The following MDGA2 variants were observed in gnomAD, a reference collection of about 807,000 sequenced individuals.
MDGA2 encodes the protein MAM domain containing glycosylphosphatidylinositol anchor 2.
MDGA2 carries 40 observed loss-of-function variants against 117.8 expected under a neutral mutation model. The ratio of observed to expected loss-of-function variants is 0.34; its 90% CI spans 0.26 to 0.44. MDGA2 has a LOEUF of 0.44. Among genes scored for constraint, MDGA2 ranks in the 20% least tolerant of loss-of-function variants. MDGA2 has a pLI of 1.00. For synonymous variants in MDGA2, 452 were observed against 439.0 expected, an observed-to-expected ratio of 1.03 and a Z score of -0.37; for missense variants, 1,123 against 1,250.6, an observed-to-expected ratio of 0.90 and a Z score of 1.54.
At chr14:47,019,788 G>C (rs1366876981) in intron 8 of MDGA2, among the ~76,000 whole-genome samples, 2 of 149,638 alleles carry the variant, frequency 1.3e-5, no homozygotes, top group Non-Finnish European at 3.0e-5. Context: ...AGCTTGCAGT[G>C]AGCCGAGATT....
intron 8 of MDGA2, among the ~76,000 whole-genome samples, chr14:47,031,266 C>T (rs72678433): frequency 0.013 from 1,984 of 151,404 alleles, 43 homozygotes; most frequent in Non-Finnish European, 0.014. Flanking sequence ...TAGGGATGGA[C>T]GCCCTACACT....
At chr14:47,123,766 T>G (rs1370025546) in intron 5 of MDGA2, among the ~76,000 whole-genome samples, 1 of 152,086 alleles carries the variant, frequency 6.6e-6, no homozygotes, top group Non-Finnish European at 1.5e-5. Context: ...TATTTCAAGA[T>G]TAATCATCCA....
intron 1 of MDGA2, among the ~76,000 whole-genome samples, chr14:47,625,147 G>C (rs1338468259): frequency 6.6e-6 from 1 of 151,988 alleles, no homozygotes. Context: ...TTACACAACA[G>C]GTTACAGTAT....
chr14:47,153,002 AT>A (rs1236151167), intron 3 of MDGA2, among the ~76,000 whole-genome samples: 1 of 152,230 alleles, frequency 6.6e-6, no homozygotes, highest in Non-Finnish European at 1.5e-5. Flanking sequence ...ATCAGAGCCA[AT>A]ATCAGATATC....
At position 46,920,009 on chromosome 14, in the gene MDGA2, C is replaced by T. The variant is rs1884063421; in HGVS notation, c.2238+3G>A. ...AAAAAAGGACATCAGTTAGATTTCTCACCTGCCTGATGCCCAACCGGTATG... is the reference window on the plus strand; with the variant it reads ...AAAAAAGGACATCAGTTAGATTTCTTACCTGCCTGATGCCCAACCGGTATG... On this transcript the variant is annotated splice_donor_region_variant and intron_variant, in intron 10 of 16. Coordinates refer to ENST00000399232, the MANE Select transcript of MDGA2 (RefSeq NM_001113498.3). The T allele has an allele frequency of 1.1e-5, 18 of 1,569,786 alleles. No individual in the cohort carries two copies. Among genetic ancestry groups the T allele is most frequent in the African/African-American group, 1.4e-5 (1 of 72,652 alleles).
chr14:47,590,879 T>C lies in MDGA2; in HGVS notation c.280+83638A>G, dbSNP rs72670775. Among the ~76,000 whole-genome samples, 1,288 of 152,120 alleles carry C rather than the reference T, an allele frequency of 8.5e-3. 6 individuals carry two copies. Among genetic ancestry groups the C allele is most frequent in the Non-Finnish European group, 0.014 (920 of 67,942 alleles). ...ATTAGCACTGCATTAAACAATATTT[T>C]CCAGTATGTTCACTGATCAACCACA... On this transcript the variant is annotated intron_variant, in intron 1 of 16. Transcript: ENST00000399232.
intron 2 of MDGA2, among the ~76,000 whole-genome samples, chr14:47,286,693 C>A (rs1385165859): frequency 6.6e-6 from 1 of 151,140 alleles, no homozygotes; most frequent in African/African-American, 2.4e-5. Flanking sequence ...TGCAATAGAT[C>A]CCATATATTT....
intron 1 of MDGA2, among the ~76,000 whole-genome samples, chr14:47,546,220 T>C (rs1418172894): frequency 6.6e-6 from 1 of 152,088 alleles, no homozygotes; most frequent in African/African-American, 2.4e-5. Context: ...AGCAGAATGA[T>C]ATAGCTTAAC....
intron 3 of MDGA2, chr14:47,200,881 A>C: frequency 2.3e-6 from 2 of 860,486 alleles, no homozygotes; most frequent in Non-Finnish European, 4.0e-6. Flanking sequence ...CAAACACCTT[A>C]AGGCAGTCCA....
At chr14:47,460,949 T>A (rs1950386) in intron 1 of MDGA2, among the ~76,000 whole-genome samples, 48,811 of 152,084 alleles carry the variant, frequency 0.32, 8,363 homozygotes, top group East Asian at 0.58. Context: ...AAGGTATAGA[T>A]TGCTATTTAT....
At chr14:47,448,165 T>A (rs538041730) in intron 1 of MDGA2, among the ~76,000 whole-genome samples, 95 of 151,728 alleles carry the variant, frequency 6.3e-4, no homozygotes, top group African/African-American at 1.8e-3. Context: ...ATTTTATTTT[T>A]TTTCAGACTG....
chr14:47,492,965 T>C (rs1454616035), intron 1 of MDGA2, among the ~76,000 whole-genome samples: 2 of 152,160 alleles, frequency 1.3e-5, no homozygotes, highest in African/African-American at 2.4e-5. Context: ...TGTTTCATTT[T>C]ATTATTTTCT....
intron 1 of MDGA2, among the ~76,000 whole-genome samples, chr14:47,353,826 C>A (rs1408743572): frequency 6.6e-6 from 1 of 152,082 alleles, no homozygotes; most frequent in Non-Finnish European, 1.5e-5. Flanking sequence ...TACCATGATA[C>A]CAAAGCCAGA....
chr14:47,000,016 T>G (rs1887445252), intron 8 of MDGA2, among the ~76,000 whole-genome samples: 1 of 151,966 alleles, frequency 6.6e-6, no homozygotes, highest in South Asian at 2.1e-4. Flanking sequence ...CTTTGATAGC[T>G]GCACACATTT....
chr14:47,178,676 T>G (rs986558817), intron 3 of MDGA2, among the ~76,000 whole-genome samples: 4 of 152,154 alleles, frequency 2.6e-5, no homozygotes, highest in Non-Finnish European at 4.4e-5. Flanking sequence ...AACAGAAATA[T>G]AAGCCATCAT....
chr14:47,089,568 G>C (rs560730894), intron 6 of MDGA2, among the ~76,000 whole-genome samples: 12 of 151,860 alleles, frequency 7.9e-5, no homozygotes, highest in Non-Finnish European at 1.6e-4. Flanking sequence ...GTAGAGACAG[G>C]GTTTCCCCAT....
intron 4 of MDGA2, among the ~76,000 whole-genome samples, chr14:47,141,282 T>C (rs1882706296): frequency 6.6e-6 from 1 of 152,124 alleles, no homozygotes. Context: ...GATCCAGCAA[T>C]CCTACTGTTG....
chr14:46,874,869 T>C (rs1277155304), intron 12 of MDGA2, among the ~76,000 whole-genome samples: 2 of 151,482 alleles, frequency 1.3e-5, no homozygotes, highest in Non-Finnish European at 3.0e-5. Flanking sequence ...CCAACACAAG[T>C]TCAGAGAAAG....
At chr14:47,636,178 C>T (rs1197593816) in intron 1 of MDGA2, among the ~76,000 whole-genome samples, 2 of 152,122 alleles carry the variant, frequency 1.3e-5, no homozygotes, top group African/African-American at 2.4e-5. Context: ...CTTTCAAACA[C>T]TTTGATCCCC....
Sources: allele counts gnomAD v4.1 joint callset (sites outside exome capture counted in the v4.1 genomes callset), GRCh38; gene constraint gnomAD v4.1.1; transcripts MANE v1.5; gene names NCBI Gene and HGNC (gene_info 2026-07-23, HGNC 2026-07-21).